The following THSD4 variants were observed in gnomAD, a reference collection of about 807,000 sequenced individuals.
The protein encoded by THSD4 is thrombospondin type-1 domain-containing protein 4.
THSD4 carries 69 observed loss-of-function variants against 119.0 expected under a neutral mutation model. That is an observed-to-expected ratio of 0.58 (90% CI 0.48 to 0.71). The LOEUF (loss-of-function observed/expected upper bound fraction) is 0.71, where lower values mean the gene tolerates loss of function less well. THSD4 is among the 30% of genes least tolerant of loss of function. The pLI, the probability that THSD4 is intolerant of heterozygous loss-of-function variation, is 0.00. For missense variants in THSD4, 1,393 were observed against 1,391.1 expected (o/e 1.00, Z -0.02); for synonymous variants, 524 against 540.4 (o/e 0.97, Z 0.42).
intron 7 of THSD4, among the ~76,000 whole-genome samples, chr15:71,649,067 AT>A (rs1353678714): frequency 1.3e-5 from 2 of 152,140 alleles, no homozygotes; most frequent in African/African-American, 4.8e-5. Context: ...TAGAAAAGAA[AT>A]TTTTGTTAAA....
chr15:71,286,145 A>G (rs2044715316), intron 6 of THSD4, among the ~76,000 whole-genome samples: 1 of 152,126 alleles, frequency 6.6e-6, no homozygotes, highest in South Asian at 2.1e-4. Flanking sequence ...GTTATCTGTT[A>G]TCAATTTTAT....
At chr15:71,734,954 T>C (rs1330512615) in intron 10 of THSD4, among the ~76,000 whole-genome samples, 2 of 152,190 alleles carry the variant, frequency 1.3e-5, no homozygotes, top group African/African-American at 4.8e-5. Context: ...TGAATCATCA[T>C]CTACAATCTC....
intron 7 of THSD4, among the ~76,000 whole-genome samples, chr15:71,445,252 C>T (rs951266330): frequency 2.0e-5 from 3 of 152,038 alleles, no homozygotes; most frequent in Non-Finnish European, 4.4e-5. Context: ...TTTAAGACAC[C>T]CATCATTCTT....
rs1567171505 is a variant in THSD4, at chr15:71,256,596, A to C, written c.913-17A>C. 1.9e-6 allele frequency: 3 copies of C among 1,608,956 alleles called. No homozygotes were observed. The highest frequency in any genetic ancestry group is 2.6e-6 in the Non-Finnish European group (3 of 1,175,938). On this transcript the variant is annotated splice_polypyrimidine_tract_variant and intron_variant, in intron 5 of 17. Transcript: ENST00000261862. ...AAGTATGGACACTAATTGCATATTT[A>C]ATATCTGCTTTATTAGGTATGTCCA...
intron 7 of THSD4, among the ~76,000 whole-genome samples, chr15:71,610,421 G>A (rs993955219): frequency 6.6e-6 from 1 of 152,026 alleles, no homozygotes; most frequent in African/African-American, 2.4e-5. Flanking sequence ...GCAATTCTTA[G>A]GAAGGCACTG....
intron 6 of THSD4, among the ~76,000 whole-genome samples, chr15:71,307,746 G>T (rs991833053): frequency 1.3e-5 from 2 of 152,140 alleles, no homozygotes; most frequent in Non-Finnish European, 2.9e-5. Flanking sequence ...CTCCAGCCTG[G>T]GCGACAGAGC....
At chr15:71,413,628 G>A (rs1396923601) in intron 7 of THSD4, among the ~76,000 whole-genome samples, 1 of 152,168 alleles carries the variant, frequency 6.6e-6, no homozygotes, top group East Asian at 1.9e-4. Context: ...GCAAATGACA[G>A]GATTTTGTTC....
intron 6 of THSD4, among the ~76,000 whole-genome samples, chr15:71,386,284 G>A (rs1171425692): frequency 6.6e-6 from 1 of 152,230 alleles, no homozygotes; most frequent in Non-Finnish European, 1.5e-5. Flanking sequence ...GCTGTGAGCA[G>A]CTAAGATAAT....
In THSD4 at chr15:71,485,943, A is replaced by G. The variant is rs565565028; in HGVS notation, c.1152+74120A>G. Among the ~76,000 whole-genome samples the G allele has an allele frequency of 2.6e-5, 4 of 152,340 alleles. No homozygotes were observed. In the South Asian group the frequency reaches 8.3e-4, roughly 32 times the overall value. On this transcript the variant is annotated intron_variant, in intron 7 of 17. Transcript: ENST00000261862. ...ATGATTAAAAACTTTCTAACCAGGAATAGCTCCCCCTTTGCAGTAATTACT... is the reference window on the plus strand; with the variant it reads ...ATGATTAAAAACTTTCTAACCAGGAGTAGCTCCCCCTTTGCAGTAATTACT...
chr15:71,197,679 G>C (rs1037871631), intron 3 of THSD4, among the ~76,000 whole-genome samples: 16 of 152,230 alleles, frequency 1.1e-4, no homozygotes, highest in African/African-American at 3.9e-4. Flanking sequence ...TCCATGGGCT[G>C]TGTGGATTGG....
chr15:71,328,670 C>T (rs2045379585), intron 6 of THSD4, among the ~76,000 whole-genome samples: 2 of 152,204 alleles, frequency 1.3e-5, no homozygotes, highest in Non-Finnish European at 1.5e-5. Context: ...AAAAAGTCCA[C>T]TTTCCATGGG....
At position 71,589,813 on chromosome 15, in the gene THSD4, C is replaced by T. The variant is rs2049760530; in HGVS notation, c.1153-70717C>T. Among the ~76,000 whole-genome samples, 2 of 138,776 alleles carry T rather than the reference C, an allele frequency of 1.4e-5. 1 individual carries two copies. The highest frequency in any genetic ancestry group is 3.3e-5 in the Non-Finnish European group (2 of 61,050). 91.0% of individuals were successfully genotyped at this position (138,776 alleles called of 152,430 possible). On this transcript the variant is annotated intron_variant, in intron 7 of 17. Coordinates refer to ENST00000261862, the MANE Select transcript of THSD4 (RefSeq NM_024817.3). ...TTGGAAACATTCTCAATCTCCATCC[C>T]CACGAGAATAGATAAATAAGTTGTG... is the stretch of plus-strand genomic sequence containing the variant.
chr15:71,238,683 T>C (rs1477392622), intron 4 of THSD4, among the ~76,000 whole-genome samples: 1 of 152,274 alleles, frequency 6.6e-6, no homozygotes, highest in Non-Finnish European at 1.5e-5. Flanking sequence ...TTTATTTCTC[T>C]CTACATCAGT....
intron 7 of THSD4, among the ~76,000 whole-genome samples, chr15:71,584,309 C>T (rs1159617334): frequency 4.7e-5 from 6 of 126,610 alleles, no homozygotes; most frequent in Non-Finnish European, 8.3e-5. Flanking sequence ...ACTTTGTCAC[C>T]CAGGCTGAAG....
chr15:71,238,401 C>G (rs2044124493), intron 4 of THSD4, among the ~76,000 whole-genome samples: 1 of 152,142 alleles, frequency 6.6e-6, no homozygotes, highest in Non-Finnish European at 1.5e-5. Flanking sequence ...GTGTGACTAT[C>G]ACGACTATCT....
intron 7 of THSD4, among the ~76,000 whole-genome samples, chr15:71,601,964 C>T (rs941795692): frequency 7.9e-5 from 12 of 152,118 alleles, no homozygotes; most frequent in Non-Finnish European, 1.6e-4. Flanking sequence ...TTCAGGGTAG[C>T]TTAGGAAAAC....
At chr15:71,381,479 G>T (rs2046228246) in intron 6 of THSD4, among the ~76,000 whole-genome samples, 1 of 152,168 alleles carries the variant, frequency 6.6e-6, no homozygotes, top group Non-Finnish European at 1.5e-5. Flanking sequence ...AAGACAGTCA[G>T]TTTCTTCCTA....
At chr15:71,678,008 A>G (rs1160589961) in intron 8 of THSD4, among the ~76,000 whole-genome samples, 1 of 152,222 alleles carries the variant, frequency 6.6e-6, no homozygotes, top group African/African-American at 2.4e-5. Context: ...AGCAGCGCCT[A>G]AGGACAGCAT....
At chr15:71,222,429 G>C (rs2043982400) in intron 4 of THSD4, among the ~76,000 whole-genome samples, 1 of 152,158 alleles carries the variant, frequency 6.6e-6, no homozygotes, top group Non-Finnish European at 1.5e-5. Flanking sequence ...CTGGAATCTG[G>C]GGAATGGGAT....
Sources: gnomAD v4.1 joint callset for allele counts (sites outside exome capture counted in the v4.1 genomes callset) on GRCh38, gnomAD v4.1.1 for gene constraint, MANE v1.5 for transcripts, NCBI Gene and HGNC (gene_info 2026-07-23, HGNC 2026-07-21) for gene names.